The following PRDM15 variants were observed in gnomAD, a reference collection of about 807,000 sequenced individuals.
PRDM15 encodes PR domain zinc finger protein 15.
A neutral mutation model predicts 128.6 loss-of-function variants in PRDM15; 64 were observed. That is an observed-to-expected ratio of 0.50 (90% CI 0.41 to 0.61). The LOEUF is 0.61. Among genes scored for constraint, PRDM15 ranks in the 20% least tolerant of loss-of-function variants. The pLI is 0.00. For synonymous variants in PRDM15, 615 were observed against 621.8 expected (o/e 0.99, Z 0.16); for missense variants, 1,242 against 1,569.1 (o/e 0.79, Z 3.52).
chr21:41,838,082 A>G lies in PRDM15; in HGVS notation c.872-19T>C. The G allele has an allele frequency of 3.1e-6, 5 of 1,612,932 alleles. No homozygotes were observed. The highest frequency in any genetic ancestry group is 4.2e-6 in the Non-Finnish European group (5 of 1,179,594). ...ACTTGCTCTGTACGAAGGGGATGTG[A>G]CAAGCTAAGTAACCACAAGAGCAGG... On this transcript the variant is annotated intron_variant, in intron 7 of 23. Coordinates refer to ENST00000398548, the MANE Select transcript of PRDM15 (RefSeq NM_001040424.3).
intron 19 of PRDM15, chr21:41,813,565 G>A (rs1284585281): frequency 6.6e-6 from 1 of 152,442 alleles, no homozygotes; most frequent in East Asian, 1.9e-4. Context: ...CACTGAACAG[G>A]CTCACGCCAG....
chr21:41,846,225 C>T (rs1171517858), intron 6 of PRDM15, among the ~76,000 whole-genome samples: 1 of 152,204 alleles, frequency 6.6e-6, no homozygotes, highest in Admixed American at 6.5e-5. Context: ...ACTGTTTCTA[C>T]GTGATTCCCC....
At chr21:41,825,886 CA>C in intron 13 of PRDM15, 73 bp downstream of exon 13, 1 of 1,147,124 alleles carries the variant, frequency 8.7e-7, no homozygotes, top group East Asian at 2.4e-5. Context: ...TCTATAAGTA[CA>C]GCTCATAGAG....
chr21:41,846,336 G>A (rs1415947154), intron 6 of PRDM15, among the ~76,000 whole-genome samples: 1 of 152,238 alleles, frequency 6.6e-6, no homozygotes, highest in African/African-American at 2.4e-5. Flanking sequence ...AGTTCCCAGA[G>A]CACTGCAGAA....
intron 18 of PRDM15, among the ~76,000 whole-genome samples, chr21:41,817,625 A>G (rs1430663671): frequency 6.6e-6 from 1 of 152,220 alleles, no homozygotes; most frequent in African/African-American, 2.4e-5. Context: ...GGTTATATGA[A>G]TCGTACGAAG....
intron 1 of PRDM15, chr21:41,874,843 C>T (rs2064353730): frequency 6.6e-6 from 1 of 152,190 alleles, no homozygotes; most frequent in African/African-American, 2.4e-5. Context: ...GATGGTGCAT[C>T]TCAGGCAAAT....
Position 41,836,116 on chromosome 21 carries a change from G to A in PRDM15, c.1275C>T (p.Asn425=), listed in dbSNP as rs373265431. ...CCCTGGGCTTGTTTCCACCCACCTC[G>A]TTCCTGCTGTGCTTGTAGGAAACGT... is the stretch of plus-strand genomic sequence containing the variant. ...KQHVSYKHSR[N]EVDGEYRYRC... is the part of the protein sequence containing the mutation. The change falls in exon 10 of 24, where the codon AAC becomes AAT. Residue 425 remains asparagine, a synonymous_variant. Transcript: ENST00000398548. The A allele has an allele frequency of 1.2e-6, 2 of 1,612,556 alleles. No homozygotes were observed. Among genetic ancestry groups the A allele is most frequent in the East Asian group, 2.2e-5 (1 of 44,846 alleles).
rs1270119664 is a variant in PRDM15 at position 41,854,953 on chromosome 21, G to A, written c.286-135C>T. 4.0e-6 allele frequency: 4 copies of A among 991,034 alleles called. No homozygotes were observed. The highest frequency in any genetic ancestry group is 4.3e-6 in the Non-Finnish European group (3 of 690,136). 61.4% of individuals were successfully genotyped at this position (991,034 alleles called of 1,614,324 possible). A position where few individuals can be genotyped will look rare whatever the true frequency, so the allele number is the denominator to read the frequency against. ...AGAGGCCATAAGGGCTCCTGTACGG[G>A]ATGTTGAGGTGTTTACAATAGTGAG... On this transcript the variant is annotated intron_variant, in intron 4 of 23. Transcript: ENST00000398548. The surrounding 1 kb of genome is among the most constrained non-coding windows in gnomAD (Gnocchi z 4.6).
intron 1 of PRDM15, chr21:41,870,736 C>T (rs1485061576): frequency 1.3e-5 from 2 of 152,192 alleles, no homozygotes; most frequent in Non-Finnish European, 2.9e-5. Context: ...CAAAGAGCAC[C>T]TTTTGCACAC....
Position 41,859,525 on chromosome 21 carries a change from CA to C in PRDM15, c.131+66del. ...GCTCCTTCCTCCCCGTCTGCAGACC[CA>C]AAGGCCACTAGGCTCCTGCCGCAGC... On this transcript the variant is annotated intron_variant, in intron 3 of 23. Transcript: ENST00000398548. The surrounding 1 kb of genome is among the most constrained non-coding windows in gnomAD (Gnocchi z 5.3). 1 of 1,344,894 alleles carries C rather than the reference CA, an allele frequency of 7.4e-7. No individual in the cohort carries two copies. Among genetic ancestry groups the C allele is most frequent in the Non-Finnish European group, 1.1e-6 (1 of 951,686 alleles). The allele number at this position is 1,344,894 out of a possible 1,614,324, so 83.3% of individuals were successfully genotyped here.
In PRDM15 at chr21:41,855,421, G is replaced by A. The variant is rs116549509; in HGVS notation, c.286-603C>T. Reference sequence around the variant, plus strand: ...GTTCAAATCAACCACATGACTATAGGAGGGTTTTGTTCCTTATTTTCTGAT... The same window carrying A: ...GTTCAAATCAACCACATGACTATAGAAGGGTTTTGTTCCTTATTTTCTGAT... On this transcript the variant is annotated intron_variant, in intron 4 of 23. Coordinates refer to ENST00000398548, the MANE Select transcript of PRDM15 (RefSeq NM_001040424.3). Among the ~76,000 whole-genome samples, 1,352 of 152,290 alleles carry A rather than the reference G, an allele frequency of 8.9e-3. 20 individuals are homozygous for A. Among genetic ancestry groups the A allele is most frequent in the African/African-American group, 0.031 (1,289 of 41,564 alleles).
rs555288106 is a variant in PRDM15 at position 41,847,154 on chromosome 21, C to G, written c.576G>C (p.Ser192=). 1.3e-6 allele frequency: 2 copies of G among 1,554,630 alleles called. No individual in the cohort carries two copies. The highest frequency in any genetic ancestry group is 8.7e-7 in the Non-Finnish European group (1 of 1,148,226). ...CTTTACACGCCCACTGGCTGGGCTC[C>G]GACTCCACGGGGGCGCTGTTTTCTG... ...GTPENSAPVE[S]EPSQWACKVC... Residue 192 remains serine (S), a synonymous_variant, in exon 6 of 24, where the codon TCG becomes TCC. Transcript: ENST00000398548.
At chr21:41,806,960 T>A (rs1353503295) in intron 21 of PRDM15, among the ~76,000 whole-genome samples, 6 of 141,916 alleles carry the variant, frequency 4.2e-5, no homozygotes, top group Non-Finnish European at 9.3e-5. Flanking sequence ...TCCACCACCA[T>A]CATCACCACC....
At chr21:41,831,895 C>A (rs139808742) in intron 11 of PRDM15, among the ~76,000 whole-genome samples, 8 of 152,236 alleles carry the variant, frequency 5.3e-5, no homozygotes, top group African/African-American at 7.2e-5. Context: ...ATAAGAGGAG[C>A]ACCGTGACAG....
In PRDM15 at chr21:41,861,057, A is replaced by G. The variant is rs1299488367; in HGVS notation, c.-9-685T>C. 2.6e-5 allele frequency among the ~76,000 whole-genome samples: 4 copies of G among 152,008 alleles called. No homozygotes were observed. In the South Asian group the frequency reaches 8.3e-4, roughly 32 times the overall value. On this transcript the variant is annotated intron_variant, in intron 1 of 23. Transcript: ENST00000398548. ...GTGATCAAGGCTCACTGCAGCCTCTACCTGCTGGGCTCAAGCAATCCTCCT... is the reference window on the plus strand; with the variant it reads ...GTGATCAAGGCTCACTGCAGCCTCTGCCTGCTGGGCTCAAGCAATCCTCCT...
At chr21:41,808,338 G>A (rs763307900) in intron 21 of PRDM15, among the ~76,000 whole-genome samples, 3 of 152,226 alleles carry the variant, frequency 2.0e-5, no homozygotes, top group East Asian at 1.9e-4. Context: ...CAAGCTCCCC[G>A]CTGAGTGGGG....
At chr21:41,847,520 G>A (rs1305764434) in intron 5 of PRDM15, among the ~76,000 whole-genome samples, 1 of 152,206 alleles carries the variant, frequency 6.6e-6, no homozygotes, top group Admixed American at 6.5e-5. Context: ...ATGACTTCAT[G>A]AGAAAAGTGC....
At chr21:41,834,120 G>A (rs1298311021) in intron 11 of PRDM15, among the ~76,000 whole-genome samples, 2 of 152,184 alleles carry the variant, frequency 1.3e-5, no homozygotes, top group African/African-American at 4.8e-5. Flanking sequence ...GAAGCTTCTG[G>A]AGGCCACCTC....
At chr21:41,831,235 C>T (rs1002332437) in intron 11 of PRDM15, among the ~76,000 whole-genome samples, 1 of 152,242 alleles carries the variant, frequency 6.6e-6, no homozygotes, top group Non-Finnish European at 1.5e-5. Context: ...CCGAGGGAGC[C>T]GCCACAGAGT....
Sources: gnomAD v4.1 joint callset for allele counts (sites outside exome capture counted in the v4.1 genomes callset) on GRCh38, gnomAD v4.1.1 for gene constraint, Gnocchi (gnomAD v3.1) non-coding constraint, MANE v1.5 for transcripts, NCBI Gene and HGNC (gene_info 2026-07-23, HGNC 2026-07-21) for gene names.